The following CEP170 variants were observed in gnomAD, a reference collection of about 807,000 sequenced individuals.
The protein encoded by CEP170 is centrosomal protein of 170 kDa.
Under a neutral mutation model 151.9 loss-of-function variants are expected in CEP170, and 21 were observed. The observed-to-expected ratio is 0.14, with a 90% confidence interval of 0.10 to 0.20. CEP170 has a LOEUF of 0.20. CEP170 is among the 10% of genes least tolerant of loss of function. The probability of loss-of-function intolerance (pLI) is 1.00; values close to 1 mark genes in which losing one functional copy is unlikely to be tolerated. For synonymous variants in CEP170, 356 were observed against 648.8 expected, an observed-to-expected ratio of 0.55 and a Z score of 6.86; for missense variants, 964 against 1,892.9, an observed-to-expected ratio of 0.51 and a Z score of 9.11.
intron 17 of CEP170, among the ~76,000 whole-genome samples, chr1:243,132,516 T>G (rs139889222): frequency 0.026 from 3,986 of 152,260 alleles, 81 homozygotes; most frequent in Non-Finnish European, 0.039. Context: ...AACTCAACAC[T>G]CGAACTGAAG....
intron 14 of CEP170, among the ~76,000 whole-genome samples, chr1:243,153,545 C>T (rs2789253): frequency 1.3e-5 from 2 of 151,998 alleles, no homozygotes; most frequent in East Asian, 3.9e-4. Context: ...TGAATAAGTC[C>T]ACAGTCATCA....
At chr1:243,170,240 C>G (rs1181291072) in intron 11 of CEP170, among the ~76,000 whole-genome samples, 2 of 151,060 alleles carry the variant, frequency 1.3e-5, no homozygotes, top group Non-Finnish European at 2.9e-5. Context: ...AAAAAATTAG[C>G]TGGGCATGGT....
intron 1 of CEP170, among the ~76,000 whole-genome samples, chr1:243,244,699 TCC>T (rs779317560): frequency 6.7e-6 from 1 of 148,518 alleles, no homozygotes; most frequent in Non-Finnish European, 1.5e-5. Flanking sequence ...TGAATGGAGA[TCC>T]CCCCACTGCA....
At chr1:243,152,918 A>C (rs1207771702) in intron 14 of CEP170, among the ~76,000 whole-genome samples, 1 of 152,216 alleles carries the variant, frequency 6.6e-6, no homozygotes, top group African/African-American at 2.4e-5. Flanking sequence ...TGATTCCTCT[A>C]ATAGATCTGG....
intron 4 of CEP170, among the ~76,000 whole-genome samples, chr1:243,206,584 C>CA (rs1426886269): frequency 2.6e-5 from 4 of 152,046 alleles, no homozygotes; most frequent in Non-Finnish European, 5.9e-5. Flanking sequence ...TGGATCTGTA[C>CA]AAAGGGATGA....
intron 14 of CEP170, among the ~76,000 whole-genome samples, chr1:243,148,557 G>A (rs1037927244): frequency 3.9e-5 from 6 of 152,208 alleles, no homozygotes; most frequent in Admixed American, 1.3e-4. Context: ...CTGGGTGACA[G>A]TGAGACTCTG....
chr1:243,165,618 A>G lies in CEP170; in HGVS notation c.2342T>C (p.Phe781Ser), dbSNP rs1459171276. 3.1e-6 allele frequency: 5 copies of G among 1,613,816 alleles called. No homozygotes were observed. Among genetic ancestry groups the G allele is most frequent in the Non-Finnish European group, 3.4e-6 (4 of 1,179,898 alleles). ...TTCTGGAGGTTGTGATTCTTGTTTA[A>G]AAGTTTCCTCCCTACATTTATCTGT... ...GQTDKCREET[F>S]KQESQPPEKN... The change falls in exon 13 of 20, where the codon TTT (phenylalanine) becomes TCT (serine). Residue 781 changes from phenylalanine to serine, a missense_variant. Phe to Ser is a radical substitution (Grantham distance 155). Coordinates refer to ENST00000366542, the MANE Select transcript of CEP170 (RefSeq NM_014812.3).
At chr1:243,154,613 A>G (rs1173170007) in intron 14 of CEP170, among the ~76,000 whole-genome samples, 1 of 152,236 alleles carries the variant, frequency 6.6e-6, no homozygotes, top group East Asian at 1.9e-4. Flanking sequence ...GCTACTGACA[A>G]ACTAGAGGGA....
At chr1:243,131,732 A>T (rs1003702149) in intron 17 of CEP170, among the ~76,000 whole-genome samples, 3 of 152,184 alleles carry the variant, frequency 2.0e-5, no homozygotes, top group Non-Finnish European at 4.4e-5. Context: ...AGCTGAAAAA[A>T]TCATAGCTTT....
intron 14 of CEP170, among the ~76,000 whole-genome samples, chr1:243,145,512 A>G (rs1283868986): frequency 6.6e-6 from 1 of 152,234 alleles, no homozygotes; most frequent in Non-Finnish European, 1.5e-5. Flanking sequence ...TGACCTTGTG[A>G]TCCGCCCGCC....
intron 1 of CEP170, among the ~76,000 whole-genome samples, chr1:243,237,986 T>A (rs2064411777): frequency 6.6e-6 from 1 of 152,244 alleles, no homozygotes; most frequent in Non-Finnish European, 1.5e-5. Flanking sequence ...CTAAAATTTT[T>A]AAATATTCAT....
intron 3 of CEP170, among the ~76,000 whole-genome samples, chr1:243,220,919 T>C (rs1223048297): frequency 6.6e-6 from 1 of 152,188 alleles, no homozygotes; most frequent in Non-Finnish European, 1.5e-5. Context: ...ACAATGGCGG[T>C]TAGATAATGT....
At chr1:243,169,986 T>G (rs1246020725) in intron 11 of CEP170, among the ~76,000 whole-genome samples, 1 of 152,040 alleles carries the variant, frequency 6.6e-6, no homozygotes, top group Non-Finnish European at 1.5e-5. Context: ...TCAATGAAAA[T>G]CCAAGACAAG....
intron 4 of CEP170, among the ~76,000 whole-genome samples, chr1:243,210,208 G>C (rs1184979478): frequency 6.6e-6 from 1 of 152,018 alleles, no homozygotes; most frequent in African/African-American, 2.4e-5. Context: ...AAAAGCATGA[G>C]GTTTTTTTCT....
chr1:243,149,712 T>C (rs1202560017), intron 14 of CEP170, among the ~76,000 whole-genome samples: 2 of 152,332 alleles, frequency 1.3e-5, no homozygotes, highest in Middle Eastern at 3.4e-3. Flanking sequence ...AAATGTAGTA[T>C]ATCCTTCAAT....
chr1:243,155,126 T>G (rs2057431905), intron 14 of CEP170, among the ~76,000 whole-genome samples: 2 of 152,196 alleles, frequency 1.3e-5, no homozygotes, highest in Non-Finnish European at 2.9e-5. Flanking sequence ...TTAAAATGCT[T>G]CATTAATTAC....
At chr1:243,202,260 A>C (rs528468721) in intron 4 of CEP170, among the ~76,000 whole-genome samples, 1 of 152,304 alleles carries the variant, frequency 6.6e-6, no homozygotes, top group East Asian at 1.9e-4. Flanking sequence ...GGGTACACAA[A>C]GGCATACAGA....
intron 6 of CEP170, 91 bp downstream of exon 6, chr1:243,200,427 T>C (rs2060948939): frequency 1.3e-6 from 2 of 1,529,806 alleles, no homozygotes; most frequent in South Asian, 2.4e-5. Context: ...TAAATTATTT[T>C]TATATGGACA....
intron 14 of CEP170, among the ~76,000 whole-genome samples, chr1:243,145,439 T>A (rs2056351408): frequency 6.6e-6 from 1 of 152,214 alleles, no homozygotes; most frequent in Non-Finnish European, 1.5e-5. Flanking sequence ...CACGCCCGGC[T>A]AATTTTGGTA....
Sources: allele counts gnomAD v4.1 joint callset (sites outside exome capture counted in the v4.1 genomes callset), GRCh38; gene constraint gnomAD v4.1.1; transcripts MANE v1.5; gene names NCBI Gene and HGNC (gene_info 2026-07-23, HGNC 2026-07-21).